Variants in APBB2 observed in about 807,000 individuals in gnomAD.
APBB2 encodes the protein amyloid beta precursor protein binding family B member 2, also known as Fe65-like 1.
APBB2 carries 38 observed loss-of-function variants against 82.5 expected under a neutral mutation model. That is an observed-to-expected ratio of 0.46 (90% CI 0.36 to 0.60). The LOEUF is 0.60. Ranked by LOEUF, APBB2 falls within the 20% of genes least tolerant of loss-of-function variation. The pLI is 0.00. For synonymous variants in APBB2, 341 were observed against 368.2 expected (o/e 0.93, Z 0.85); for missense variants, 772 against 972.3 (o/e 0.79, Z 2.74).
intron 6 of APBB2, among the ~76,000 whole-genome samples, chr4:40,992,476 T>C (rs1219011340): frequency 5.3e-5 from 8 of 152,032 alleles, no homozygotes; most frequent in African/African-American, 1.7e-4. Flanking sequence ...CTGCACCAGA[T>C]TGACACAGCT....
At chr4:41,192,612 T>G (rs924191818) in intron 1 of APBB2, among the ~76,000 whole-genome samples, 1 of 151,950 alleles carries the variant, frequency 6.6e-6, no homozygotes, top group Non-Finnish European at 1.5e-5. Context: ...CATACAGAGA[T>G]AGAGAATAAA....
chr4:40,890,364 C>T lies in APBB2; in HGVS notation c.1529G>A (p.Arg510Gln). 3 of 1,611,786 alleles carry T rather than the reference C, an allele frequency of 1.9e-6. No homozygotes were observed. Among genetic ancestry groups the T allele is most frequent in the Non-Finnish European group, 2.5e-6 (3 of 1,179,458 alleles). ...RVWGVGRDNG[R>Q]DFAYVARDKD... Reference sequence around the variant, plus strand: ...CAGACTGCCCCACCCAGGGACTCACCGGCCATTGTCGCGGCCCACGCCCCA... The same window carrying T: ...CAGACTGCCCCACCCAGGGACTCACTGGCCATTGTCGCGGCCCACGCCCCA... The change falls in exon 12 of 18, where the codon CGG (arginine) becomes CAG (glutamine). Residue 510 changes from arginine (R) to glutamine (Q), a missense_variant and splice_region_variant. Coordinates refer to ENST00000508593, the MANE Select transcript of APBB2 (RefSeq NM_004307.2).
At chr4:41,028,878 G>A (rs1715553277) in intron 5 of APBB2, among the ~76,000 whole-genome samples, 1 of 152,172 alleles carries the variant, frequency 6.6e-6, no homozygotes, top group Non-Finnish European at 1.5e-5. Context: ...ACAAACCTGT[G>A]CTGCATCCTG....
intron 6 of APBB2, among the ~76,000 whole-genome samples, chr4:40,986,021 A>C (rs1800331844): frequency 1.3e-5 from 2 of 152,140 alleles, no homozygotes; most frequent in South Asian, 4.1e-4. Context: ...AAGGGCTCCT[A>C]GTTCTATTTG....
intron 6 of APBB2, among the ~76,000 whole-genome samples, chr4:40,984,268 C>A (rs902072410): frequency 7.9e-5 from 12 of 152,134 alleles, no homozygotes; most frequent in South Asian, 2.1e-4. Context: ...GTGTCTGGAT[C>A]GTTAACATTT....
chr4:40,934,172 C>G (rs903084210), intron 10 of APBB2, among the ~76,000 whole-genome samples: 1 of 152,318 alleles, frequency 6.6e-6, no homozygotes, highest in Middle Eastern at 3.4e-3. Context: ...TTAAAGACTT[C>G]TAAAGCCCAC....
chr4:41,167,876 C>T (rs948765129), intron 1 of APBB2, among the ~76,000 whole-genome samples: 1 of 152,220 alleles, frequency 6.6e-6, no homozygotes, highest in African/African-American at 2.4e-5. Flanking sequence ...GAGAGCTGCA[C>T]TGAATCCAGC....
intron 6 of APBB2, among the ~76,000 whole-genome samples, chr4:40,988,447 C>A (rs1326787169): frequency 6.6e-6 from 1 of 151,796 alleles, no homozygotes; most frequent in Non-Finnish European, 1.5e-5. Flanking sequence ...ACCAGTCTGG[C>A]CAAAATGGTG....
chr4:40,856,999 G>C (rs947756789), intron 12 of APBB2: 2 of 985,444 alleles, frequency 2.0e-6, no homozygotes, highest in Non-Finnish European at 2.4e-6. Context: ...AAACAAAGGA[G>C]AGCCGTTCCT....
At chr4:40,847,283 G>A (rs1311495510) in intron 12 of APBB2, among the ~76,000 whole-genome samples, 2 of 152,040 alleles carry the variant, frequency 1.3e-5, no homozygotes, top group Non-Finnish European at 2.9e-5. Flanking sequence ...CCAACATGAC[G>A]AAACCCTGTC....
In APBB2 at chr4:41,053,421, A is replaced by G. The variant is rs1041004563; in HGVS notation, c.-51+12155T>C. Among the ~76,000 whole-genome samples, 6 of 152,162 alleles carry G rather than the reference A, an allele frequency of 3.9e-5. No individual in the cohort carries two copies. The East Asian group carries it at 9.6e-4, about 24-fold the overall frequency. ...TTAAATTATTTCTCCCTACCCCTCAATTTAGCAATAGAAAATTCCAGGATA... is the reference window on the plus strand; with the variant it reads ...TTAAATTATTTCTCCCTACCCCTCAGTTTAGCAATAGAAAATTCCAGGATA... On this transcript the variant is annotated intron_variant, in intron 4 of 17. Transcript: ENST00000508593.
At chr4:41,167,198 G>A (rs552345700) in intron 1 of APBB2, among the ~76,000 whole-genome samples, 30 of 152,312 alleles carry the variant, frequency 2.0e-4, no homozygotes, top group African/African-American at 6.7e-4. Context: ...AAGCCCTCCT[G>A]GAGCATGCCA....
intron 12 of APBB2, among the ~76,000 whole-genome samples, chr4:40,873,843 G>A (rs1260498082): frequency 6.6e-6 from 1 of 152,158 alleles, no homozygotes. Flanking sequence ...AAATACTCCT[G>A]TTTTAGAATG....
At chr4:40,860,901 A>G (rs1207975113) in intron 12 of APBB2, among the ~76,000 whole-genome samples, 1 of 152,118 alleles carries the variant, frequency 6.6e-6, no homozygotes, top group Non-Finnish European at 1.5e-5. Context: ...AACAAATGCC[A>G]TCTCTCCCAT....
chr4:40,936,227 T>C (rs575522163), intron 7 of APBB2, among the ~76,000 whole-genome samples: 26 of 152,314 alleles, frequency 1.7e-4, no homozygotes, highest in African/African-American at 6.3e-4. Flanking sequence ...CTTAAATGTC[T>C]TGTGCGTCGA....
chr4:41,041,399 T>C (rs1458609090), intron 4 of APBB2, among the ~76,000 whole-genome samples: 1 of 152,240 alleles, frequency 6.6e-6, no homozygotes, highest in Admixed American at 6.5e-5. Flanking sequence ...TTCATTCCAA[T>C]ATTTTTATTT....
intron 2 of APBB2, among the ~76,000 whole-genome samples, chr4:41,141,287 A>G (rs1759057222): frequency 6.6e-6 from 1 of 151,872 alleles, no homozygotes; most frequent in Non-Finnish European, 1.5e-5. Context: ...GGCACTGCTG[A>G]ATTGCAGGTC....
At chr4:40,982,045 C>T (rs930965609) in intron 6 of APBB2, among the ~76,000 whole-genome samples, 4 of 150,556 alleles carry the variant, frequency 2.7e-5, no homozygotes, top group South Asian at 2.1e-4. Context: ...ATTAGTTGGG[C>T]GTGGTAGCAC....
intron 6 of APBB2, among the ~76,000 whole-genome samples, chr4:40,998,661 C>A (rs993266850): frequency 2.0e-5 from 3 of 152,084 alleles, no homozygotes; most frequent in Non-Finnish European, 4.4e-5. Flanking sequence ...TTGATGAAGC[C>A]GTACATTAAA....
Sources: allele counts gnomAD v4.1 joint callset (sites outside exome capture counted in the v4.1 genomes callset), GRCh38; gene constraint gnomAD v4.1.1; transcripts MANE v1.5; gene names NCBI Gene and HGNC (gene_info 2026-07-23, HGNC 2026-07-21).